Variants in ZNF517 observed in about 807,000 individuals in gnomAD.
ZNF517 encodes zinc finger protein 517.
In ZNF517, 12 loss-of-function variants were observed where a neutral mutation model predicts 12.1. The observed-to-expected ratio is 0.99, with a 90% CI of 0.63 to 1.61. The LOEUF is 1.61. Among genes scored for constraint, ZNF517 ranks in the 40% most tolerant of loss-of-function variants. The pLI is 0.00. For synonymous variants in ZNF517, 388 were observed against 310.2 expected (o/e 1.25, Z -2.63); for missense variants, 781 against 693.2 (o/e 1.13, Z -1.42).
In ZNF517 at chr8:144,809,110, C is replaced by T. The variant is rs1827450330; in HGVS notation, c.*715C>T. On this transcript the variant is annotated 3_prime_UTR_variant, in exon 5 of 5. Coordinates refer to ENST00000359971, the MANE Select transcript of ZNF517 (RefSeq NM_213605.3). ...GCAGTGAGCTATGATAGCACCACGGCACTCCAACCTGGTTGACAGAGTGAC... is the reference window on the plus strand; with the variant it reads ...GCAGTGAGCTATGATAGCACCACGGTACTCCAACCTGGTTGACAGAGTGAC... The T allele has an allele frequency of 6.6e-6, 1 of 152,046 alleles. No individual in the cohort carries two copies. The highest frequency in any genetic ancestry group is 1.5e-5 in the Non-Finnish European group (1 of 68,036). The allele number at this position is 152,046 out of a possible 1,614,324, so 9.4% of individuals were successfully genotyped here. A position where few individuals can be genotyped will look rare whatever the true frequency, so the allele number is the denominator to read the frequency against.
chr8:144,807,651 C>T lies in ZNF517; in HGVS notation c.735C>T (p.Ser245=), dbSNP rs750640320. ...AGTGCGGGAAGGCCTTCCGGCAGAG[C>T]ACGCAGCTGGCTGCCCACCACCGCG... is the stretch of plus-strand genomic sequence containing the variant. ...CGECGKAFRQ[S]TQLAAHHRVH... Residue 245 remains serine, a synonymous_variant, in exon 5 of 5, where the codon AGC becomes AGT. Transcript: ENST00000359971. 1 of 1,608,674 alleles carries T rather than the reference C, an allele frequency of 6.2e-7. No individual in the cohort carries two copies. Among genetic ancestry groups the T allele is most frequent in the South Asian group, 1.1e-5 (1 of 90,870 alleles).
Position 144,809,774 on chromosome 8 carries a change from G to A in ZNF517, c.*1379G>A, listed in dbSNP as rs537309922. The A allele has an allele frequency of 2.5e-4, 42 of 165,218 alleles. No homozygotes were observed. Among genetic ancestry groups the A allele is most frequent in the South Asian group, 1.4e-3 (7 of 5,120 alleles). 10.2% of individuals were successfully genotyped at this position (165,218 alleles called of 1,614,324 possible). On this transcript the variant is annotated 3_prime_UTR_variant, in exon 5 of 5. Coordinates refer to ENST00000359971, the MANE Select transcript of ZNF517 (RefSeq NM_213605.3). ...GCCTAATAAATCCCCTCTCCTGGCC[G>A]GGCGCGGTAGCTCTCCCCTGTAATC... is the stretch of plus-strand genomic sequence containing the variant.
chr8:144,801,528 A>G (rs556085913), intron 1 of ZNF517, among the ~76,000 whole-genome samples: 1 of 151,948 alleles, frequency 6.6e-6, no homozygotes, highest in Non-Finnish European at 1.5e-5. Flanking sequence ...CCCAGGCTGG[A>G]GTGCGGTGGC....
At position 144,807,600 on chromosome 8, in the gene ZNF517, TGAG is replaced by T. The variant is rs766872828; in HGVS notation, c.688_690del (p.Glu230del). On this transcript the variant is annotated inframe_deletion, in exon 5 of 5. Transcript: ENST00000359971. Reference sequence around the variant, plus strand: ...TGCTGCGGCACCAGCTGATCCACACTGAGGAGAAGCCGTTCCAGTGCGGCGAGT... The same window carrying T: ...TGCTGCGGCACCAGCTGATCCACACTGAGAAGCCGTTCCAGTGCGGCGAGT... 1.9e-5 allele frequency: 31 copies of T among 1,605,608 alleles called. No individual in the cohort carries two copies. The African/African-American group carries it at 3.8e-4, about 20-fold the overall frequency.
At position 144,808,097 on chromosome 8, in the gene ZNF517, A is replaced by G; in HGVS notation, c.1181A>G (p.Lys394Arg). The change falls in exon 5 of 5, where the codon AAG becomes AGG. Residue 394 changes from lysine (K) to arginine (R), a missense_variant. Physicochemically the swap from Lys to Arg is conservative, Grantham distance 26. Coordinates refer to ENST00000359971, the MANE Select transcript of ZNF517 (RefSeq NM_213605.3). The stretch of plus-strand genomic sequence containing the variant: ...CACCTGCGCCTACACACGGGCGAGA[A>G]GCCGTTCGAGTGCGCGGAGTGCGGC... Reference protein sequence around the residue: ...LLHLRLHTGEKPFECAECGKA... With the variant: ...LLHLRLHTGERPFECAECGKA... The G allele has an allele frequency of 6.2e-7, 1 of 1,611,382 alleles. No individual in the cohort carries two copies. Among genetic ancestry groups the G allele is most frequent in the Admixed American group, 1.7e-5 (1 of 59,872 alleles).
intron 1 of ZNF517, among the ~76,000 whole-genome samples, chr8:144,800,303 T>C (rs898222174): frequency 1.4e-4 from 22 of 152,170 alleles, no homozygotes; most frequent in African/African-American, 5.1e-4. Context: ...TGCTGTTTAA[T>C]CTGATTGAAG....
intron 3 of ZNF517, 35 bp from the exon 4 acceptor site, chr8:144,804,090 T>TACTGATACACTGATACACTCCCTCCTGC: frequency 6.2e-7 from 1 of 1,603,240 alleles, no homozygotes; most frequent in African/African-American, 1.3e-5. Flanking sequence ...CTCCCTCCTG[T>TACTGATACACTGATACACTCCCTCCTGC]ACTGATACGT....
intron 4 of ZNF517, 148 bp from the exon 5 acceptor site, chr8:144,807,043 G>A (rs1169612042): frequency 1.9e-6 from 2 of 1,061,208 alleles, no homozygotes; most frequent in East Asian, 2.8e-5. Flanking sequence ...TCAGCCTCCT[G>A]TATACAAGTT....
At chr8:144,805,986 A>G (rs1046688088) in intron 4 of ZNF517, among the ~76,000 whole-genome samples, 13 of 151,354 alleles carry the variant, frequency 8.6e-5, no homozygotes, top group South Asian at 8.3e-4. Context: ...TACTATTCAT[A>G]TATCATCATA....
chr8:144,801,202 G>T (rs1275553855), intron 1 of ZNF517, among the ~76,000 whole-genome samples: 4 of 152,176 alleles, frequency 2.6e-5, no homozygotes, highest in Non-Finnish European at 5.9e-5. Context: ...TACTTAGACG[G>T]CTCCAGCTCT....
In ZNF517 at chr8:144,807,661, G is replaced by A. The variant is rs1452507755; in HGVS notation, c.745G>A (p.Ala249Thr). 6 of 1,608,274 alleles carry A rather than the reference G, an allele frequency of 3.7e-6. No individual in the cohort carries two copies. The highest frequency in any genetic ancestry group is 2.2e-5 in the East Asian group (1 of 44,678). Residue 249 changes from alanine (A) to threonine (T), a missense_variant, in exon 5 of 5, where the codon GCT becomes ACT. Coordinates refer to ENST00000359971, the MANE Select transcript of ZNF517 (RefSeq NM_213605.3). ...GGCCTTCCGGCAGAGCACGCAGCTG[G>A]CTGCCCACCACCGCGTCCACACCCG... ...GKAFRQSTQL[A>T]AHHRVHTRER...
chr8:144,801,081 G>T (rs755855023), intron 1 of ZNF517, among the ~76,000 whole-genome samples: 3 of 152,100 alleles, frequency 2.0e-5, no homozygotes, highest in African/African-American at 4.8e-5. Context: ...CGCCCTCATC[G>T]GCCTCCTAAA....
downstream of ZNF517, among the ~76,000 whole-genome samples, chr8:144,813,080 G>A (rs1827601957): frequency 6.6e-6 from 1 of 152,102 alleles, no homozygotes. Context: ...CACTTTGGGA[G>A]GCCGAGATGG....
Position 144,802,944 on chromosome 8 carries a change from T to C in ZNF517, c.30T>C (p.Pro10=). 1.2e-6 allele frequency: 2 copies of C among 1,613,906 alleles called. No homozygotes were observed. The highest frequency in any genetic ancestry group is 1.7e-6 in the Non-Finnish European group (2 of 1,179,924). The change falls in exon 2 of 5, where the codon CCT becomes CCC. Residue 10 remains proline, a synonymous_variant. Transcript: ENST00000359971. MAMALPMPG[P]QEAVVFEDVA... is the part of the protein sequence containing the mutation. ...CGATGGCACTCCCGATGCCTGGACC[T>C]CAGGTGAGCACCCCCTGAGCCCGTC...
chr8:144,807,532 C>A lies in ZNF517; in HGVS notation c.616C>A (p.Gln206Lys). ...CATCCACACCGGCGCCAAGCCCTTC[C>A]AGTGCACAGAGTGCGGGAAGGCCTT... The part of the protein sequence containing the change: ...QIIHTGAKPF[Q>K]CTECGKAFKQ... Residue 206 changes from glutamine to lysine, a missense_variant, in exon 5 of 5, where the codon CAG becomes AAG. Gln to Lys is a moderately conservative substitution (Grantham distance 53, BLOSUM62 1). Transcript: ENST00000359971. 6.3e-7 allele frequency: 1 copy of A among 1,596,404 alleles called. No homozygotes were observed. The highest frequency in any genetic ancestry group is 1.1e-5 in the South Asian group (1 of 88,802).
At chr8:144,812,219 G>T (rs1157407880), downstream of ZNF517, among the ~76,000 whole-genome samples, 4 of 148,416 alleles carry the variant, frequency 2.7e-5, no homozygotes, top group Non-Finnish European at 6.0e-5. Flanking sequence ...CTGAGACAGG[G>T]TGGGAGAGAC....
At chr8:144,810,107 G>A, downstream of ZNF517, 1 of 636,772 alleles carries the variant, frequency 1.6e-6, no homozygotes, top group Non-Finnish European at 2.9e-6. Flanking sequence ...TCTCTCTAGA[G>A]GACCCTAATA....
rs1258821169 is a variant in ZNF517 at position 144,804,183 on chromosome 8, G to A, written c.219G>A (p.Gly73=). 1.9e-6 allele frequency: 3 copies of A among 1,614,018 alleles called. No homozygotes were observed. Among genetic ancestry groups the A allele is most frequent in the Non-Finnish European group, 2.5e-6 (3 of 1,180,002 alleles). ...ISLLEQGEEP[G]ALILQVAEQS... Reference sequence around the variant, plus strand: ...TATTGGAGCAAGGAGAGGAGCCGGGGGCCTTGATTCTGCAGGTGGCTGAAC... The same window carrying A: ...TATTGGAGCAAGGAGAGGAGCCGGGAGCCTTGATTCTGCAGGTGGCTGAAC... The change falls in exon 4 of 5, where the codon GGG becomes GGA. Residue 73 remains glycine (G), a synonymous_variant. Transcript: ENST00000359971.
rs913082930 is a variant in ZNF517, at chr8:144,808,015, C to G, written c.1099C>G (p.Pro367Ala). 22 of 1,582,618 alleles carry G rather than the reference C, an allele frequency of 1.4e-5. No individual in the cohort carries two copies. The highest frequency in any genetic ancestry group is 1.9e-5 in the Non-Finnish European group (22 of 1,164,716). ...GCAGAGGCCCCAGGCGGGGGACCCG[C>G]CCCACGAGTGCCCGGTGTGCGGGAG... ...AAQRPQAGDP[P>A]HECPVCGRPF... is the part of the protein sequence containing the mutation. Residue 367 changes from proline to alanine, a missense_variant, in exon 5 of 5, where the codon CCC becomes GCC. By Grantham distance (27) the Pro-to-Ala change is conservative. Transcript: ENST00000359971.
Sources: gnomAD v4.1 joint callset for allele counts (sites outside exome capture counted in the v4.1 genomes callset) on GRCh38, gnomAD v4.1.1 for gene constraint, MANE v1.5 for transcripts, NCBI Gene and HGNC (gene_info 2026-07-23, HGNC 2026-07-21) for gene names.